Variants in CAMTA1 observed in about 807,000 individuals in gnomAD.
CAMTA1 encodes calmodulin-binding transcription activator 1.
CAMTA1 carries 27 observed loss-of-function variants against 170.9 expected under a neutral mutation model. The ratio of observed to expected loss-of-function variants is 0.16; its 90% CI spans 0.12 to 0.22. The LOEUF is 0.22. CAMTA1 is among the 10% of genes least tolerant of loss of function. The pLI, the probability that CAMTA1 is intolerant of heterozygous loss-of-function variation, is 1.00. For missense variants in CAMTA1, 1,619 were observed against 2,217.2 expected (o/e 0.73, Z 5.42); for synonymous variants, 833 against 891.5 (o/e 0.93, Z 1.17).
At chr1:6,917,797 C>T (rs1256423818) in intron 3 of CAMTA1, among the ~76,000 whole-genome samples, 1 of 132,438 alleles carries the variant, frequency 7.6e-6, no homozygotes, top group African/African-American at 2.7e-5. Flanking sequence ...GGGGAGGGGG[C>T]CCCGAGAAAG....
chr1:7,139,636 T>C (rs1474232880), intron 4 of CAMTA1, among the ~76,000 whole-genome samples: 1 of 152,204 alleles, frequency 6.6e-6, no homozygotes, highest in Non-Finnish European at 1.5e-5. Context: ...GCAGCCTTGC[T>C]GCTTGTCTGC....
intron 5 of CAMTA1, among the ~76,000 whole-genome samples, chr1:7,328,930 C>T (rs1302318847): frequency 6.6e-6 from 1 of 152,072 alleles, no homozygotes; most frequent in East Asian, 1.9e-4. Context: ...TGAGTCTTGG[C>T]AGATCTGATT....
In CAMTA1 at chr1:7,284,833, A is replaced by G. The variant is rs1339500567; in HGVS notation, c.438+35207A>G. On this transcript the variant is annotated intron_variant, in intron 5 of 22. Coordinates refer to ENST00000303635, the MANE Select transcript of CAMTA1 (RefSeq NM_015215.4). Reference sequence around the variant, plus strand: ...ACTCAACAACTTCCTGACCTCACTGATGGGGCCACTTCTCCCTGGTGGGGC... The same window carrying G: ...ACTCAACAACTTCCTGACCTCACTGGTGGGGCCACTTCTCCCTGGTGGGGC... 2.0e-5 allele frequency among the ~76,000 whole-genome samples: 3 copies of G among 152,146 alleles called. No homozygotes were observed. In the East Asian group the frequency reaches 5.8e-4, roughly 29 times the overall value.
intron 11 of CAMTA1, among the ~76,000 whole-genome samples, chr1:7,706,594 TTC>T (rs2096527345): frequency 6.6e-6 from 1 of 152,228 alleles, no homozygotes; most frequent in Admixed American, 6.5e-5. Context: ...ATAAATTTGT[TTC>T]TCTTTTTCTT....
intron 3 of CAMTA1, among the ~76,000 whole-genome samples, chr1:7,058,727 G>A (rs1707747807): frequency 6.6e-6 from 1 of 152,132 alleles, no homozygotes. Context: ...TAGAGGCCAG[G>A]ACTTATTAAA....
At chr1:6,936,156 C>T (rs569235836) in intron 3 of CAMTA1, among the ~76,000 whole-genome samples, 3 of 152,282 alleles carry the variant, frequency 2.0e-5, no homozygotes, top group Admixed American at 2.0e-4. Context: ...GTGAAGTCTG[C>T]GGGGACTTAG....
intron 4 of CAMTA1, among the ~76,000 whole-genome samples, chr1:7,205,050 C>T (rs12095131): frequency 0.047 from 7,182 of 151,612 alleles, 571 homozygotes; most frequent in African/African-American, 0.16. Flanking sequence ...AGGATGGTCT[C>T]GACTTCCTGA....
intron 16 of CAMTA1, among the ~76,000 whole-genome samples, chr1:7,741,944 G>GTTT (rs34289951): frequency 7.3e-6 from 1 of 137,238 alleles, no homozygotes; most frequent in Non-Finnish European, 1.6e-5. Context: ...GCCTCGGGTT[G>GTTT]TTTTTTTTTT....
intron 5 of CAMTA1, among the ~76,000 whole-genome samples, chr1:7,328,786 C>T (rs2082850919): frequency 6.6e-6 from 1 of 151,806 alleles, no homozygotes; most frequent in South Asian, 2.1e-4. Flanking sequence ...TTCTATTTAC[C>T]TTTTCCCCCC....
rs565257959 is a variant in CAMTA1, at chr1:7,146,761, C to T, written c.302+55390C>T. Among the ~76,000 whole-genome samples, 1 of 152,120 alleles carries T rather than the reference C, an allele frequency of 6.6e-6. No homozygotes were observed. The highest frequency in any genetic ancestry group is 1.5e-5 in the Non-Finnish European group (1 of 67,982). On this transcript the variant is annotated intron_variant, in intron 4 of 22. Coordinates refer to ENST00000303635, the MANE Select transcript of CAMTA1 (RefSeq NM_015215.4). This position sits in a 1 kb window ranked among gnomAD's most constrained non-coding sequence, Gnocchi z 4.3. ...CACACTCAAACATAAACCATGCACA[C>T]ACACACACTTGAGCATCATGCACAC...
chr1:7,357,217 C>T (rs1012825102), intron 5 of CAMTA1, among the ~76,000 whole-genome samples: 2 of 152,248 alleles, frequency 1.3e-5, no homozygotes, highest in African/African-American at 4.8e-5. Flanking sequence ...TCGAGGGATG[C>T]CCCGCCCTCC....
At chr1:7,059,950 A>T (rs1233880288) in intron 3 of CAMTA1, among the ~76,000 whole-genome samples, 5 of 152,134 alleles carry the variant, frequency 3.3e-5, no homozygotes, top group Admixed American at 6.5e-5. Context: ...AGATGTGCTG[A>T]GGAACCCAGG....
rs2094979506 is a variant in CAMTA1 at position 7,562,942 on chromosome 1, G to A, written c.511-77458G>A. Among the ~76,000 whole-genome samples, 1 of 152,208 alleles carries A rather than the reference G, an allele frequency of 6.6e-6. No homozygotes were observed. The highest frequency in any genetic ancestry group is 2.4e-5 in the African/African-American group (1 of 41,460). On this transcript the variant is annotated intron_variant, in intron 6 of 22. Coordinates refer to ENST00000303635, the MANE Select transcript of CAMTA1 (RefSeq NM_015215.4). This position sits in a 1 kb window ranked among gnomAD's most constrained non-coding sequence, Gnocchi z 4.8. Reference sequence around the variant, plus strand: ...AGCTTGGGGCCCACCCACCCCAGCTGGTCCTTGAATCTGGATTTGGTTGGG... The same window carrying A: ...AGCTTGGGGCCCACCCACCCCAGCTAGTCCTTGAATCTGGATTTGGTTGGG...
intron 22 of CAMTA1, among the ~76,000 whole-genome samples, chr1:7,759,422 C>T (rs2096958392): frequency 1.3e-5 from 2 of 152,136 alleles, no homozygotes; most frequent in African/African-American, 4.8e-5. Flanking sequence ...TCACTTTTAT[C>T]CCCCTTTCCT....
chr1:7,099,568 T>A (rs1185852180), intron 4 of CAMTA1, among the ~76,000 whole-genome samples: 2 of 152,230 alleles, frequency 1.3e-5, no homozygotes, highest in African/African-American at 4.8e-5. Context: ...TTAGACATCA[T>A]CTTCCGGCTT....
At chr1:6,902,072 C>CACACACACACACAAA (rs3986505) in intron 3 of CAMTA1, among the ~76,000 whole-genome samples, 12 of 88,464 alleles carry the variant, frequency 1.4e-4, no homozygotes, top group African/African-American at 4.0e-4. Flanking sequence ...CACACACACA[C>CACACACACACACAAA]AAAAAAAAAA....
intron 1 of CAMTA1, among the ~76,000 whole-genome samples, chr1:6,804,702 C>A (rs963008953): frequency 3.4e-4 from 51 of 152,058 alleles, no homozygotes; most frequent in Admixed American, 2.2e-3. Flanking sequence ...TACTTCATCC[C>A]TTTTTTAAAA....
intron 12 of CAMTA1, among the ~76,000 whole-genome samples, chr1:7,735,569 A>G (rs2096765987): frequency 6.6e-6 from 1 of 152,194 alleles, no homozygotes; most frequent in African/African-American, 2.4e-5. Flanking sequence ...GCCTACAGGA[A>G]GGCTAGAACC....
chr1:7,543,358 C>T (rs150982799), intron 6 of CAMTA1, among the ~76,000 whole-genome samples: 335 of 152,228 alleles, frequency 2.2e-3, no homozygotes, highest in African/African-American at 7.6e-3. Flanking sequence ...AGCCCTTTTC[C>T]CATTTGCACT....
Sources: gnomAD v4.1 joint callset for allele counts (sites outside exome capture counted in the v4.1 genomes callset) on GRCh38, gnomAD v4.1.1 for gene constraint, Gnocchi (gnomAD v3.1) non-coding constraint, MANE v1.5 for transcripts, NCBI Gene and HGNC (gene_info 2026-07-23, HGNC 2026-07-21) for gene names.